FAM193B: variants seen among roughly 807,000 people sequenced by gnomAD.
FAM193B encodes protein FAM193B.
A neutral mutation model predicts 70.7 loss-of-function variants in FAM193B; 27 were observed. That is an observed-to-expected ratio of 0.38 (90% confidence interval 0.28 to 0.53). The LOEUF (loss-of-function observed/expected upper bound fraction) is 0.53, where lower values mean the gene tolerates loss of function less well. FAM193B is among the 20% of genes least tolerant of loss of function. FAM193B has a pLI of 0.81. For missense variants in FAM193B, 1,022 were observed against 1,072.5 expected (o/e 0.95, Z 0.66); for synonymous variants, 448 against 436.0 (o/e 1.03, Z -0.34).
chr5:177,546,292 A>G (rs1462530999), intron 1 of FAM193B, among the ~76,000 whole-genome samples: 1 of 152,212 alleles, frequency 6.6e-6, no homozygotes, highest in African/African-American at 2.4e-5. Context: ...AGCATCATCA[A>G]AATGTGCCAC....
chr5:177,541,312 G>A (rs1381466795), intron 1 of FAM193B, among the ~76,000 whole-genome samples: 2 of 152,122 alleles, frequency 1.3e-5, no homozygotes, highest in Non-Finnish European at 2.9e-5. Context: ...ACCACAAGGC[G>A]AGCACCAAGA....
chr5:177,523,897 T>C, intron 7 of FAM193B, 60 bp downstream of exon 7: 1 of 1,583,516 alleles, frequency 6.3e-7, no homozygotes, highest in East Asian at 2.2e-5. Context: ...AACACAGGGC[T>C]TGAGTGTGGG....
Position 177,546,346 on chromosome 5 carries a change from C to T in FAM193B, c.211-7199G>A, listed in dbSNP as rs572323845. 8.5e-5 allele frequency among the ~76,000 whole-genome samples: 13 copies of T among 152,230 alleles called. No homozygotes were observed. The South Asian group carries it at 2.5e-3, about 29-fold the overall frequency. On this transcript the variant is annotated intron_variant, in intron 1 of 8. Transcript: ENST00000514747. ...CCTAAATTCCTGGTAGAATGTGAGCCCTCTGGGGGCAGTGTGTGGACCTTG... is the reference window on the plus strand; with the variant it reads ...CCTAAATTCCTGGTAGAATGTGAGCTCTCTGGGGGCAGTGTGTGGACCTTG...
At chr5:177,521,004 G>A (rs747950057) in intron 8 of FAM193B, among the ~76,000 whole-genome samples, 1 of 152,202 alleles carries the variant, frequency 6.6e-6, no homozygotes, top group Non-Finnish European at 1.5e-5. Context: ...CAGGAAGTTT[G>A]CTGCTTAGGC....
rs1766821356 is a variant in FAM193B at position 177,554,526 on chromosome 5, CGCCGCT to C, written c.-74_-69del. 1.1e-6 allele frequency: 1 copy of C among 906,250 alleles called. No individual in the cohort carries two copies. Among genetic ancestry groups the C allele is most frequent in the African/African-American group, 1.8e-5 (1 of 54,678 alleles). 56.1% of individuals were successfully genotyped at this position (906,250 alleles called of 1,614,324 possible). A position where few individuals can be genotyped will look rare whatever the true frequency, so the allele number is the denominator to read the frequency against. ...CCGCCGCCGCCGCCGCCGCCGCCGC[CGCCGCT>C]ACCGCTCCCCTCACAGGACAACAGC... On this transcript the variant is annotated 5_prime_UTR_variant, in exon 1 of 9. Transcript: ENST00000514747.
In FAM193B at chr5:177,532,789, C is replaced by T. The variant is rs2127464539; in HGVS notation, c.1077-148G>A. 1.5e-6 allele frequency: 1 copy of T among 670,192 alleles called. No individual in the cohort carries two copies. Among genetic ancestry groups the T allele is most frequent in the Non-Finnish European group, 2.4e-6 (1 of 420,700 alleles). The allele number at this position is 670,192 out of a possible 1,614,324, so 41.5% of individuals were successfully genotyped here. On this transcript the variant is annotated intron_variant, in intron 4 of 8. Transcript: ENST00000514747. The surrounding 1 kb of genome is among the most constrained non-coding windows in gnomAD (Gnocchi z 4.9). ...GGTCCAACTACATTGCACCTCTCACCTGAACAGGGCGAACACCTGCACTGT... is the reference window on the plus strand; with the variant it reads ...GGTCCAACTACATTGCACCTCTCACTTGAACAGGGCGAACACCTGCACTGT...
intron 8 of FAM193B, 52 bp downstream of exon 8, chr5:177,521,922 G>C (rs1761805673): frequency 1.4e-6 from 2 of 1,412,432 alleles, no homozygotes; most frequent in Non-Finnish European, 2.0e-6. Context: ...GTACAGAGAG[G>C]GTGGCCAAGC....
chr5:177,551,682 A>G (rs1371684742), intron 1 of FAM193B, among the ~76,000 whole-genome samples: 1 of 152,222 alleles, frequency 6.6e-6, no homozygotes, highest in East Asian at 1.9e-4. Context: ...AAACAAAACA[A>G]TATGTGAGCT....
chr5:177,521,101 T>G (rs545277792), intron 8 of FAM193B, among the ~76,000 whole-genome samples: 7 of 152,188 alleles, frequency 4.6e-5, no homozygotes, highest in Non-Finnish European at 1.0e-4. Flanking sequence ...GAGCTCAGTC[T>G]GCCTGCCCCA....
chr5:177,547,167 C>A (rs1765530937), intron 1 of FAM193B: 1 of 152,120 alleles, frequency 6.6e-6, no homozygotes, highest in Non-Finnish European at 1.5e-5. Flanking sequence ...ATGTAAAGTA[C>A]CTGGCCTGGG....
At chr5:177,549,645 T>C (rs1765939713) in intron 1 of FAM193B, among the ~76,000 whole-genome samples, 1 of 152,250 alleles carries the variant, frequency 6.6e-6, no homozygotes, top group Admixed American at 6.5e-5. Context: ...ACACGTTCTC[T>C]AGACTATGAG....
At chr5:177,540,970 A>G (rs930711066) in intron 1 of FAM193B, among the ~76,000 whole-genome samples, 2 of 152,206 alleles carry the variant, frequency 1.3e-5, no homozygotes, top group African/African-American at 4.8e-5. Context: ...TTACCATTAC[A>G]CTGACTTGGG....
chr5:177,531,315 G>T, intron 5 of FAM193B: 1 of 1,348,560 alleles, frequency 7.4e-7, no homozygotes, highest in Non-Finnish European at 9.9e-7. Context: ...CCCGCTTGGC[G>T]GCCCTGGCGC....
Position 177,538,012 on chromosome 5 carries a change from GGAGGAC to G in FAM193B, c.543_548del (p.Ser184_Ser185del), listed in dbSNP as rs1764379955. The stretch of plus-strand genomic sequence containing the variant: ...CTCCCGAGTTCCCAGGGCAGGAAGA[GGAGGAC>G]GAGGATGAGGATGATGAGGAGGAAG... On this transcript the variant is annotated inframe_deletion, in exon 3 of 9. Transcript: ENST00000514747. This position sits in a 1 kb window ranked among gnomAD's most constrained non-coding sequence, Gnocchi z 4.1. 4 of 1,556,422 alleles carry G rather than the reference GGAGGAC, an allele frequency of 2.6e-6. No individual in the cohort carries two copies. The highest frequency in any genetic ancestry group is 1.4e-5 in the African/African-American group (1 of 73,248).
Position 177,554,340 on chromosome 5 carries a change from C to CCGCCGCCG in FAM193B, c.118_119insCGGCGGCG (p.Gly40AlafsTer86). 8.0e-7 allele frequency: 1 copy of CCGCCGCCG among 1,255,992 alleles called. No individual in the cohort carries two copies. The highest frequency in any genetic ancestry group is 2.8e-4 in the Middle Eastern group (1 of 3,598). The allele number at this position is 1,255,992 out of a possible 1,614,324, so 77.8% of individuals were successfully genotyped here. A position where few individuals can be genotyped will look rare whatever the true frequency, so the allele number is the denominator to read the frequency against. On this transcript the variant is annotated frameshift_variant, in exon 1 of 9. Coordinates refer to ENST00000514747, the MANE Select transcript of FAM193B (RefSeq NM_001190946.3). LOFTEE classifies it high-confidence loss of function. ...CGCCTCCGGAGGGCCTGCACCCGCT[C>CCGCCGCCG]CCGCCTCCAGGCTTGGCGGCGGCGG... is the stretch of plus-strand genomic sequence containing the variant.
chr5:177,537,672 G>T (rs1375378293), intron 3 of FAM193B, among the ~76,000 whole-genome samples: 1 of 152,200 alleles, frequency 6.6e-6, no homozygotes, highest in Non-Finnish European at 1.5e-5. Context: ...TTTTCTATTA[G>T]CAGTATTTTT....
chr5:177,538,143 C>G lies in FAM193B; in HGVS notation c.454-36G>C, dbSNP rs370350929. The G allele has an allele frequency of 3.0e-4, 449 of 1,506,776 alleles. No individual in the cohort carries two copies. The highest frequency in any genetic ancestry group is 3.3e-4 in the Non-Finnish European group (374 of 1,120,280). The allele number at this position is 1,506,776 out of a possible 1,614,324, so 93.3% of individuals were successfully genotyped here. A position where few individuals can be genotyped will look rare whatever the true frequency, so the allele number is the denominator to read the frequency against. On this transcript the variant is annotated intron_variant, in intron 2 of 8. Transcript: ENST00000514747. The surrounding 1 kb of genome is among the most constrained non-coding windows in gnomAD (Gnocchi z 4.1). ...GGGAGGAAAAAGGCTCACGGTCAAA[C>G]AGCAAACATCGGAGCTGACCCTCTG...
intron 1 of FAM193B, chr5:177,553,913 G>T (rs1472881151): frequency 2.5e-6 from 3 of 1,219,746 alleles, no homozygotes; most frequent in Non-Finnish European, 3.1e-6. Flanking sequence ...GGGCCCGGGG[G>T]AGGTGGCGGG....
At chr5:177,549,187 CTTTTTTTTTTTT>C (rs141797022) in intron 1 of FAM193B, among the ~76,000 whole-genome samples, 17 of 93,024 alleles carry the variant, frequency 1.8e-4, no homozygotes, top group African/African-American at 4.5e-4. Flanking sequence ...ATTGTCTTTT[CTTTTTTTTTTTT>C]TTTTTTTTTT....
Sources: gnomAD v4.1 joint callset for allele counts (sites outside exome capture counted in the v4.1 genomes callset) on GRCh38, gnomAD v4.1.1 for gene constraint, Gnocchi (gnomAD v3.1) non-coding constraint, MANE v1.5 for transcripts, NCBI Gene and HGNC (gene_info 2026-07-23, HGNC 2026-07-21) for gene names.